Variants in TBC1D22A observed in about 807,000 individuals in gnomAD.
TBC1D22A encodes putative GTPase activator.
TBC1D22A carries 38 observed loss-of-function variants against 60.2 expected under a neutral mutation model. The ratio of observed to expected loss-of-function variants is 0.63; its 90% CI spans 0.49 to 0.83. The LOEUF is 0.83. Ranked by LOEUF, TBC1D22A falls within the 40% of genes least tolerant of loss-of-function variation. The probability of loss-of-function intolerance (pLI) is 0.00; values close to 1 mark genes in which losing one functional copy is unlikely to be tolerated. For synonymous variants in TBC1D22A, 302 were observed against 281.7 expected, an observed-to-expected ratio of 1.07 and a Z score of -0.72; for missense variants, 628 against 701.0, an observed-to-expected ratio of 0.90 and a Z score of 1.18.
At chr22:46,977,564 G>A (rs540646168) in intron 9 of TBC1D22A, among the ~76,000 whole-genome samples, 1 of 150,912 alleles carries the variant, frequency 6.6e-6, no homozygotes, top group East Asian at 1.9e-4. Context: ...CTTTTCTCCC[G>A]ACAAATCCCT....
chr22:47,008,421 A>G (rs1348983988), intron 10 of TBC1D22A, among the ~76,000 whole-genome samples: 1 of 152,112 alleles, frequency 6.6e-6, no homozygotes, highest in Non-Finnish European at 1.5e-5. Flanking sequence ...CCAGGTGTAG[A>G]GTTCCCTCAT....
intron 8 of TBC1D22A, among the ~76,000 whole-genome samples, chr22:46,961,496 C>A (rs1025274068): frequency 1.3e-5 from 2 of 152,220 alleles, no homozygotes; most frequent in Non-Finnish European, 2.9e-5. Context: ...CTTGTATCCA[C>A]ATGAAACAAA....
intron 12 of TBC1D22A, among the ~76,000 whole-genome samples, chr22:47,172,627 C>T (rs1482545524): frequency 6.6e-6 from 1 of 152,166 alleles, no homozygotes; most frequent in Non-Finnish European, 1.5e-5. Context: ...ACAGAAAGGC[C>T]TTCTTTGGTT....
chr22:46,814,578 T>C (rs1476436629), intron 4 of TBC1D22A, among the ~76,000 whole-genome samples: 1 of 152,206 alleles, frequency 6.6e-6, no homozygotes, highest in African/African-American at 2.4e-5. Flanking sequence ...TGTGTGTGTG[T>C]GTTTTCCTTT....
At chr22:47,104,730 T>G (rs2147690558) in intron 11 of TBC1D22A, among the ~76,000 whole-genome samples, 1 of 152,056 alleles carries the variant, frequency 6.6e-6, no homozygotes, top group South Asian at 2.1e-4. Context: ...TAGGAAACAT[T>G]TCTCTCTATT....
chr22:46,890,509 A>G (rs1056140883), intron 5 of TBC1D22A, among the ~76,000 whole-genome samples: 2 of 152,210 alleles, frequency 1.3e-5, no homozygotes, highest in African/African-American at 4.8e-5. Flanking sequence ...ACATGCAAAC[A>G]CTATGGCATT....
intron 4 of TBC1D22A, among the ~76,000 whole-genome samples, chr22:46,858,940 T>A (rs1202753810): frequency 6.6e-6 from 1 of 152,198 alleles, no homozygotes; most frequent in East Asian, 1.9e-4. Context: ...AAGTCCCACA[T>A]GCCCACGCGC....
At chr22:46,819,623 G>C (rs1385894329) in intron 4 of TBC1D22A, among the ~76,000 whole-genome samples, 1 of 152,206 alleles carries the variant, frequency 6.6e-6, no homozygotes, top group African/African-American at 2.4e-5. Flanking sequence ...TTGATGTGCT[G>C]CTGGATTTGG....
intron 12 of TBC1D22A, among the ~76,000 whole-genome samples, chr22:47,161,370 C>T (rs528261089): frequency 6.6e-6 from 1 of 152,304 alleles, no homozygotes. Flanking sequence ...CGCCTGGCTG[C>T]CACCTCTGCT....
At chr22:46,979,688 A>G (rs2074438162) in intron 9 of TBC1D22A, among the ~76,000 whole-genome samples, 1 of 152,172 alleles carries the variant, frequency 6.6e-6, no homozygotes, top group Non-Finnish European at 1.5e-5. Flanking sequence ...GGTATTGGGA[A>G]CACAGTGACG....
At chr22:46,950,721 G>A (rs1187686218) in intron 8 of TBC1D22A, among the ~76,000 whole-genome samples, 3 of 152,292 alleles carry the variant, frequency 2.0e-5, no homozygotes, top group African/African-American at 7.2e-5. Context: ...CGCGAATGAC[G>A]GGTGAGTGTG....
intron 8 of TBC1D22A, among the ~76,000 whole-genome samples, chr22:46,964,927 C>T (rs2073724854): frequency 6.6e-6 from 1 of 152,230 alleles, no homozygotes; most frequent in South Asian, 2.1e-4. Flanking sequence ...AGCTGCACGC[C>T]CGTTCTTGCT....
At chr22:46,968,378 C>A (rs1021971012) in intron 8 of TBC1D22A, among the ~76,000 whole-genome samples, 2 of 152,236 alleles carry the variant, frequency 1.3e-5, no homozygotes, top group Non-Finnish European at 2.9e-5. Flanking sequence ...TGGCATGGAC[C>A]CCACAGGGGG....
chr22:46,945,274 T>C (rs1266789716), intron 8 of TBC1D22A, among the ~76,000 whole-genome samples: 1 of 152,222 alleles, frequency 6.6e-6, no homozygotes, highest in Non-Finnish European at 1.5e-5. Context: ...ATTGTATTCA[T>C]TCACTCATTC....
At chr22:46,867,618 A>G (rs2067117687) in intron 4 of TBC1D22A, among the ~76,000 whole-genome samples, 1 of 152,362 alleles carries the variant, frequency 6.6e-6, no homozygotes, top group East Asian at 1.9e-4. Context: ...AGATGTGGAA[A>G]TAGCCAAAAT....
rs111427465 is a variant in TBC1D22A, at chr22:47,118,239, T to G, written c.1425+6636T>G. 2.4e-3 allele frequency among the ~76,000 whole-genome samples: 364 copies of G among 152,332 alleles called. 2 individuals are homozygous for G. The highest frequency in any genetic ancestry group is 8.6e-3 in the African/African-American group (357 of 41,562). On this transcript the variant is annotated intron_variant, in intron 12 of 12. Transcript: ENST00000337137. Reference sequence around the variant, plus strand: ...AAAGAATGCATCTTCTTTCTAAGTATTTATGGAATACTTACAAAAAGTAAT... The same window carrying G: ...AAAGAATGCATCTTCTTTCTAAGTAGTTATGGAATACTTACAAAAAGTAAT...
intron 11 of TBC1D22A, among the ~76,000 whole-genome samples, chr22:47,084,276 T>G (rs753270913): frequency 6.6e-6 from 1 of 152,354 alleles, no homozygotes; most frequent in Non-Finnish European, 1.5e-5. Flanking sequence ...AGCACAGATG[T>G]AGACATTCCC....
intron 11 of TBC1D22A, among the ~76,000 whole-genome samples, chr22:47,076,219 C>T (rs2064201428): frequency 6.6e-6 from 1 of 151,742 alleles, no homozygotes; most frequent in African/African-American, 2.4e-5. Context: ...GAAGTCTGCA[C>T]CGGAAAACAG....
At chr22:47,047,181 G>C (rs1180763998) in intron 11 of TBC1D22A, among the ~76,000 whole-genome samples, 1 of 152,148 alleles carries the variant, frequency 6.6e-6, no homozygotes, top group Non-Finnish European at 1.5e-5. Flanking sequence ...TTCCCTGCTT[G>C]CATGTAGCAA....
Sources: gnomAD v4.1 joint callset for allele counts (sites outside exome capture counted in the v4.1 genomes callset) on GRCh38, gnomAD v4.1.1 for gene constraint, MANE v1.5 for transcripts, NCBI Gene and HGNC (gene_info 2026-07-23, HGNC 2026-07-21) for gene names.